The following ZNF75A variants were observed in gnomAD, a reference collection of about 807,000 sequenced individuals.
ZNF75A encodes the protein zinc finger protein 75A.
ZNF75A carries 36 observed loss-of-function variants against 46.3 expected under a neutral mutation model. The observed-to-expected ratio is 0.78, with a 90% confidence interval of 0.60 to 1.03. The LOEUF is 1.03. Among genes scored for constraint, ZNF75A ranks in the 50% least tolerant of loss-of-function variants. The pLI, the probability that ZNF75A is intolerant of heterozygous loss-of-function variation, is 0.00. For synonymous variants in ZNF75A, 234 were observed against 189.9 expected, an observed-to-expected ratio of 1.23 and a Z score of -1.91; for missense variants, 595 against 551.3, an observed-to-expected ratio of 1.08 and a Z score of -0.79.
downstream of ZNF75A, among the ~76,000 whole-genome samples, chr16:3,320,140 G>A (rs1351104620): frequency 6.6e-6 from 1 of 152,056 alleles, no homozygotes; most frequent in African/African-American, 2.4e-5. Flanking sequence ...CCGCCTCCTG[G>A]GTTCATGCCA....
intron 2 of ZNF75A, chr16:3,310,594 C>G (rs1960686396): frequency 3.4e-6 from 3 of 877,922 alleles, no homozygotes; most frequent in Non-Finnish European, 2.7e-6. Context: ...CCACTGTACC[C>G]CAGCCTGGGT....
At chr16:3,310,318 C>G (rs749452199) in intron 2 of ZNF75A, among the ~76,000 whole-genome samples, 2 of 151,354 alleles carry the variant, frequency 1.3e-5, no homozygotes, top group African/African-American at 4.9e-5. Context: ...GGCTTGAACT[C>G]GGGAGGCAGA....
chr16:3,310,587 C>A, intron 2 of ZNF75A: 1 of 827,682 alleles, frequency 1.2e-6, no homozygotes, highest in Non-Finnish European at 1.5e-6. Flanking sequence ...GATTGTACCA[C>A]TGTACCCCAG....
chr16:3,321,589 C>G (rs2029948252), downstream of ZNF75A, among the ~76,000 whole-genome samples: 2 of 152,202 alleles, frequency 1.3e-5, no homozygotes, highest in South Asian at 4.1e-4. Flanking sequence ...CCTCAGCCTT[C>G]TGAGTATCTG....
chr16:3,319,422 ATTGT>A (rs1246653363), downstream of ZNF75A, among the ~76,000 whole-genome samples: 3 of 152,066 alleles, frequency 2.0e-5, no homozygotes, highest in Admixed American at 6.6e-5. Context: ...GCCTATACTA[ATTGT>A]TTCTTAAGTA....
downstream of ZNF75A, chr16:3,318,874 G>A (rs1596403896): frequency 1.0e-6 from 1 of 973,870 alleles, no homozygotes; most frequent in Non-Finnish European, 1.2e-6. Context: ...GCGAGGATGA[G>A]CAAATCTACA....
chr16:3,322,955 G>A (rs2030000756), downstream of ZNF75A: 60 of 985,052 alleles, frequency 6.1e-5, no homozygotes, highest in Non-Finnish European at 7.1e-5. Flanking sequence ...CCGCCGACAA[G>A]GAGGCAGCCA....
At chr16:3,313,239 C>G (rs559741058) in intron 5 of ZNF75A, 64 bp downstream of exon 5, 1 of 1,546,302 alleles carries the variant, frequency 6.5e-7, no homozygotes. Flanking sequence ...GAGAAGGAAC[C>G]CCAGTGAGGG....
intron 5 of ZNF75A, among the ~76,000 whole-genome samples, chr16:3,314,562 C>T (rs938388550): frequency 2.6e-5 from 4 of 152,122 alleles, no homozygotes; most frequent in African/African-American, 9.7e-5. Context: ...TGGGTACCTC[C>T]TAGGCTGTTT....
chr16:3,318,048 G>T lies in ZNF75A; in HGVS notation c.*179G>T. The T allele has an allele frequency of 2.9e-6, 4 of 1,389,598 alleles. No individual in the cohort carries two copies. Among genetic ancestry groups the T allele is most frequent in the Admixed American group, 3.3e-5 (1 of 30,514 alleles). The allele number at this position is 1,389,598 out of a possible 1,614,324, so 86.1% of individuals were successfully genotyped here. The stretch of plus-strand genomic sequence containing the variant: ...CTGCAGCCACTCAGTAGTCTTCTGT[G>T]GTCACAGAAGTAAACATTGTTGGCT... On this transcript the variant is annotated 3_prime_UTR_variant, in exon 7 of 7. Coordinates refer to ENST00000669516, the MANE Select transcript of ZNF75A (RefSeq NM_001302109.2).
downstream of ZNF75A, among the ~76,000 whole-genome samples, chr16:3,319,786 T>A (rs1018348008): frequency 7.8e-6 from 1 of 128,502 alleles, no homozygotes; most frequent in Non-Finnish European, 1.7e-5. Flanking sequence ...GCTTTTCATT[T>A]TTTTTTTTTT....
intron 5 of ZNF75A, among the ~76,000 whole-genome samples, chr16:3,314,049 A>G (rs1007876204): frequency 6.6e-6 from 1 of 152,166 alleles, no homozygotes; most frequent in Non-Finnish European, 1.5e-5. Flanking sequence ...TATATCATGC[A>G]AGGGGAAAAA....
intron 4 of ZNF75A, 49 bp downstream of exon 4, chr16:3,312,817 T>G: frequency 8.8e-7 from 1 of 1,139,692 alleles, no homozygotes; most frequent in South Asian, 2.5e-5. Context: ...CTGCTATGTA[T>G]GATTAATACT....
chr16:3,310,389 A>G (rs1444274115), intron 2 of ZNF75A, among the ~76,000 whole-genome samples: 5 of 151,598 alleles, frequency 3.3e-5, no homozygotes, highest in Non-Finnish European at 7.4e-5. Context: ...GCGAGACTCC[A>G]TGTGAAAAAA....
chr16:3,323,053 C>A (rs113858836), downstream of ZNF75A: 1,006 of 585,868 alleles, frequency 1.7e-3, 10 homozygotes, highest in African/African-American at 0.019. Flanking sequence ...TTTTTTTTAA[C>A]CCTTCCTTTC....
rs556042698 is a variant in ZNF75A, at chr16:3,317,032, C to T, written c.934+10C>T. On this transcript the variant is annotated intron_variant, in intron 6 of 6. Transcript: ENST00000669516. ...GGAAAATCTCCTACAGGTAAATATA[C>T]CATGGGAAGTGGAGAAATGTGCCTT... 3.7e-6 allele frequency: 6 copies of T among 1,604,742 alleles called. No homozygotes were observed. Among genetic ancestry groups the T allele is most frequent in the South Asian group, 3.3e-5 (3 of 90,284 alleles).
In ZNF75A at chr16:3,317,860, C is replaced by G; in HGVS notation, c.1605C>G (p.Leu535=). The change falls in exon 7 of 7, where the codon CTC becomes CTG. Residue 535 remains leucine (L), a synonymous_variant. Transcript: ENST00000669516. ...RRSSLLRHQK[L]HL Reference sequence around the variant, plus strand: ...CAAGCCTTCTTAGACACCAGAAACTCCACCTGTGAAGAGAAGCTTGTCCAG... The same window carrying G: ...CAAGCCTTCTTAGACACCAGAAACTGCACCTGTGAAGAGAAGCTTGTCCAG... 6.2e-7 allele frequency: 1 copy of G among 1,605,206 alleles called. No individual in the cohort carries two copies. Among genetic ancestry groups the G allele is most frequent in the Middle Eastern group, 1.7e-4 (1 of 6,026 alleles).
rs1362366843 is a variant in ZNF75A, at chr16:3,317,040, A to G, written c.934+18A>G. 1.2e-6 allele frequency: 2 copies of G among 1,601,982 alleles called. No individual in the cohort carries two copies. Among genetic ancestry groups the G allele is most frequent in the Admixed American group, 1.7e-5 (1 of 58,846 alleles). On this transcript the variant is annotated intron_variant, in intron 6 of 6. Transcript: ENST00000669516. ...TCCTACAGGTAAATATACCATGGGA[A>G]GTGGAGAAATGTGCCTTGATGTGAA...
chr16:3,320,508 A>C (rs1489936903), downstream of ZNF75A, among the ~76,000 whole-genome samples: 1 of 152,166 alleles, frequency 6.6e-6, no homozygotes, highest in Non-Finnish European at 1.5e-5. Flanking sequence ...TAATGGGACC[A>C]CTTAAGACCT....
Sources: allele counts gnomAD v4.1 joint callset (sites outside exome capture counted in the v4.1 genomes callset), GRCh38; gene constraint gnomAD v4.1.1; transcripts MANE v1.5; gene names NCBI Gene and HGNC (gene_info 2026-07-23, HGNC 2026-07-21).